Variants in GRID2 observed in about 807,000 individuals in gnomAD.
GRID2 encodes the protein glutamate ionotropic receptor delta type subunit 2.
A neutral mutation model predicts 114.8 loss-of-function variants in GRID2; 33 were observed. That is an observed-to-expected ratio of 0.29 (90% CI 0.22 to 0.38). The LOEUF (loss-of-function observed/expected upper bound fraction) is 0.38. Among genes scored for constraint, GRID2 ranks in the 10% least tolerant of loss-of-function variants. The pLI is 1.00. For missense variants in GRID2, 1,184 were observed against 1,257.7 expected, an observed-to-expected ratio of 0.94 and a Z score of 0.89; for synonymous variants, 505 against 449.9, an observed-to-expected ratio of 1.12 and a Z score of -1.55.
At chr4:93,087,175 C>T (rs943877229) in intron 3 of GRID2, among the ~76,000 whole-genome samples, 3 of 151,652 alleles carry the variant, frequency 2.0e-5, no homozygotes, top group East Asian at 1.9e-4. Flanking sequence ...GCTGGGACTA[C>T]AGGCACGTGC....
At chr4:93,481,159 C>T (rs1230369464) in intron 11 of GRID2, among the ~76,000 whole-genome samples, 4 of 151,842 alleles carry the variant, frequency 2.6e-5, no homozygotes, top group African/African-American at 4.8e-5. Flanking sequence ...TATTTTGGGA[C>T]CTAATTTGTA....
intron 2 of GRID2, among the ~76,000 whole-genome samples, chr4:93,066,779 G>A (rs1328196153): frequency 6.6e-6 from 1 of 151,712 alleles, no homozygotes; most frequent in Non-Finnish European, 1.5e-5. Context: ...TTTGTCTTTG[G>A]CATATTCAAA....
At chr4:92,634,657 G>C (rs1301407756) in intron 2 of GRID2, among the ~76,000 whole-genome samples, 5 of 151,808 alleles carry the variant, frequency 3.3e-5, no homozygotes, top group Non-Finnish European at 4.4e-5. Flanking sequence ...AGTCAAAGCA[G>C]TGTTTGGGGC....
At chr4:92,698,660 A>G (rs1734530689) in intron 2 of GRID2, among the ~76,000 whole-genome samples, 1 of 151,938 alleles carries the variant, frequency 6.6e-6, no homozygotes, top group Non-Finnish European at 1.5e-5. Context: ...ATGGAAAAGT[A>G]GAAATACAAA....
At chr4:92,477,838 T>C (rs1196130277) in intron 1 of GRID2, among the ~76,000 whole-genome samples, 2 of 147,422 alleles carry the variant, frequency 1.4e-5, no homozygotes, top group African/African-American at 4.9e-5. Context: ...TATTTTAATA[T>C]ATATAAATAT....
intron 2 of GRID2, among the ~76,000 whole-genome samples, chr4:92,876,524 T>C (rs1341816262): frequency 6.6e-6 from 1 of 152,118 alleles, no homozygotes; most frequent in Non-Finnish European, 1.5e-5. Flanking sequence ...CAGGATGATC[T>C]AGATCTCCTA....
intron 8 of GRID2, among the ~76,000 whole-genome samples, chr4:93,333,116 G>A (rs960456915): frequency 6.6e-6 from 1 of 151,962 alleles, no homozygotes; most frequent in African/African-American, 2.4e-5. Flanking sequence ...TTACAGGTAG[G>A]CCTCCCAGCC....
At chr4:93,197,877 T>A (rs1205702021) in intron 4 of GRID2, among the ~76,000 whole-genome samples, 1 of 152,212 alleles carries the variant, frequency 6.6e-6, no homozygotes, top group Non-Finnish European at 1.5e-5. Flanking sequence ...AGATTTTGAA[T>A]TTAATATTTC....
At chr4:92,553,678 GTCTC>G (rs1358402610) in intron 1 of GRID2, among the ~76,000 whole-genome samples, 3 of 150,510 alleles carry the variant, frequency 2.0e-5, no homozygotes, top group African/African-American at 4.9e-5. Context: ...TTTTTAGACA[GTCTC>G]TCTCTGTCGC....
intron 4 of GRID2, among the ~76,000 whole-genome samples, chr4:93,188,789 G>C (rs901656258): frequency 6.6e-6 from 1 of 152,044 alleles, no homozygotes; most frequent in Non-Finnish European, 1.5e-5. Flanking sequence ...TCCTATTTCA[G>C]TGCTTGTAAG....
chr4:92,794,348 T>C (rs1314290094), intron 2 of GRID2, among the ~76,000 whole-genome samples: 4 of 151,850 alleles, frequency 2.6e-5, no homozygotes, highest in African/African-American at 9.7e-5. Context: ...TATAACACCC[T>C]ATCACCCTGC....
chr4:93,433,216 C>T (rs1239772063), intron 10 of GRID2, among the ~76,000 whole-genome samples: 1 of 152,108 alleles, frequency 6.6e-6, no homozygotes, highest in Non-Finnish European at 1.5e-5. Flanking sequence ...TGAATCATGA[C>T]CCAAAATGAT....
chr4:93,772,482 G>C lies in GRID2; in HGVS notation c.3008G>C (p.Arg1003Pro), dbSNP rs773192553. 1.3e-5 allele frequency: 21 copies of C among 1,594,034 alleles called. 1 individual carries two copies. The South Asian group carries it at 2.2e-4, about 16-fold the overall frequency. Residue 1003 changes from arginine (R) to proline (P), a missense_variant, in exon 16 of 16, where the codon CGA becomes CCA. Physicochemically the swap from Arg to Pro is moderately radical, Grantham distance 103. Around this residue, in one of 3 missense-constraint regions of GRID2, gnomAD observed 717 missense variants for 796.9 expected, o/e 0.90. Transcript: ENST00000282020. ...LGLNLGNDPD[R>P]GTSI ...CTCAATCTGGGTAATGATCCAGACCGAGGCACCTCCATATGAGCATCAAAC... is the reference window on the plus strand; with the variant it reads ...CTCAATCTGGGTAATGATCCAGACCCAGGCACCTCCATATGAGCATCAAAC...
intron 4 of GRID2, among the ~76,000 whole-genome samples, chr4:93,160,496 A>C (rs1211434385): frequency 6.6e-6 from 1 of 151,812 alleles, no homozygotes. Context: ...AATGCTAAAA[A>C]ATTGTGTTTT....
intron 2 of GRID2, among the ~76,000 whole-genome samples, chr4:92,781,620 A>G (rs562654847): frequency 2.0e-5 from 3 of 152,218 alleles, no homozygotes; most frequent in South Asian, 2.1e-4. Flanking sequence ...TTTTTGCAGT[A>G]TATAAGCTAA....
chr4:93,775,654 C>A (rs561584422), downstream of GRID2, among the ~76,000 whole-genome samples: 4 of 152,284 alleles, frequency 2.6e-5, no homozygotes, highest in East Asian at 7.7e-4. Flanking sequence ...GACAAAATAC[C>A]TTATATCCAA....
At chr4:92,428,931 A>G (rs547309592) in intron 1 of GRID2, among the ~76,000 whole-genome samples, 42 of 152,236 alleles carry the variant, frequency 2.8e-4, no homozygotes, top group Non-Finnish European at 4.0e-4. Context: ...TTTGTTACTT[A>G]GGTATACATG....
Position 93,191,610 on chromosome 4 carries a change from T to TA in GRID2, c.736-15786dup, listed in dbSNP as rs199962403. 3.8e-3 allele frequency among the ~76,000 whole-genome samples: 580 copies of TA among 152,118 alleles called. 7 individuals carry two copies. The highest frequency in any genetic ancestry group is 0.012 in the African/African-American group (507 of 41,518). ...ATTTCTTTATCACTAAGTGTTGTTT[T>TA]AAAAAAAATCTTACCTTTGGAATAA... On this transcript the variant is annotated intron_variant, in intron 4 of 15. Coordinates refer to ENST00000282020, the MANE Select transcript of GRID2 (RefSeq NM_001510.4).
intron 2 of GRID2, among the ~76,000 whole-genome samples, chr4:92,804,304 T>G (rs185070703): frequency 6.6e-6 from 1 of 152,154 alleles, no homozygotes; most frequent in East Asian, 1.9e-4. Context: ...ACAAAACATT[T>G]CAAAGGATGG....
Sources: allele counts gnomAD v4.1 joint callset (sites outside exome capture counted in the v4.1 genomes callset), GRCh38; gene constraint gnomAD v4.1.1; regional missense constraint gnomAD v4.1.1; transcripts MANE v1.5; gene names NCBI Gene and HGNC (gene_info 2026-07-23, HGNC 2026-07-21).